Variants in PDE10A observed in about 807,000 individuals in gnomAD.
The protein encoded by PDE10A is phosphodiesterase 10A.
A neutral mutation model predicts 97.7 loss-of-function variants in PDE10A; 39 were observed. That is an observed-to-expected ratio of 0.40 (90% CI 0.31 to 0.52). PDE10A has a LOEUF of 0.52. Ranked by LOEUF, PDE10A falls within the 20% of genes least tolerant of loss-of-function variation. The pLI is 0.56. For missense variants in PDE10A, 731 were observed against 1,047.8 expected (o/e 0.70, Z 4.17); for synonymous variants, 371 against 376.8 (o/e 0.98, Z 0.18).
At chr6:165,545,448 A>G (rs1783692056) in intron 1 of PDE10A, among the ~76,000 whole-genome samples, 1 of 152,120 alleles carries the variant, frequency 6.6e-6, no homozygotes, top group Admixed American at 6.5e-5. Context: ...AAATATAGTA[A>G]TAACTGACTC....
intron 1 of PDE10A, among the ~76,000 whole-genome samples, chr6:165,777,165 G>T (rs924317185): frequency 1.1e-4 from 17 of 152,202 alleles, no homozygotes; most frequent in African/African-American, 4.1e-4. Flanking sequence ...GGCTGGCATT[G>T]ATAGGGGCGG....
At position 165,553,883 on chromosome 6, in the gene PDE10A, C is replaced by T. The variant is rs142373902; in HGVS notation, c.866-10315G>A. Reference sequence around the variant, plus strand: ...AGAACTATTAAGAGTAAGCTTAAACCCACCAAAATTTACCCTTTCTGTGAC... The same window carrying T: ...AGAACTATTAAGAGTAAGCTTAAACTCACCAAAATTTACCCTTTCTGTGAC... On this transcript the variant is annotated intron_variant, in intron 1 of 21. Coordinates refer to ENST00000539869, the MANE Select transcript of PDE10A (RefSeq NM_001385079.1). Among the ~76,000 whole-genome samples the T allele has an allele frequency of 3.8e-4, 58 of 152,148 alleles. 1 individual carries two copies. The East Asian group carries it at 0.011, about 29-fold the overall frequency.
intron 3 of PDE10A, among the ~76,000 whole-genome samples, chr6:165,477,432 A>G (rs1033178943): frequency 6.6e-6 from 1 of 152,148 alleles, no homozygotes; most frequent in Non-Finnish European, 1.5e-5. Flanking sequence ...TCTACCACAC[A>G]CTATGTAAAT....
In PDE10A at chr6:165,975,707, C is replaced by T. The variant is rs115025111; in HGVS notation, c.-615+11822G>A. On this transcript the variant is annotated intron_variant, in intron 1 of 19. Coordinates refer to the PDE10A transcript ENST00000366882. ...CTCACTATGACTAGCAAGGCTATGC[C>T]TGTTCCTGAGACACCATGTGTCCAG... is the stretch of plus-strand genomic sequence containing the variant. Among the ~76,000 whole-genome samples the T allele has an allele frequency of 7.2e-3, 1,101 of 152,312 alleles. 13 individuals are homozygous for T. Among genetic ancestry groups the T allele is most frequent in the African/African-American group, 0.025 (1,059 of 41,548 alleles).
chr6:165,622,305 CGTGT>C (rs144014578), intron 1 of PDE10A, among the ~76,000 whole-genome samples: 4,091 of 151,714 alleles, frequency 0.027, 200 homozygotes, highest in African/African-American at 0.094. Context: ...TATGTGCATG[CGTGT>C]GTGTCACTTA....
chr6:165,605,928 C>T (rs879440845), intron 1 of PDE10A, among the ~76,000 whole-genome samples: 6 of 152,198 alleles, frequency 3.9e-5, no homozygotes, highest in South Asian at 2.1e-4. Context: ...TGTCATCATA[C>T]GCACTGGCTT....
chr6:165,911,584 G>A (rs1027780908), intron 1 of PDE10A, among the ~76,000 whole-genome samples: 1 of 152,104 alleles, frequency 6.6e-6, no homozygotes, highest in African/African-American at 2.4e-5. Flanking sequence ...AAACAGAGAA[G>A]GATAAGCCAC....
At chr6:165,437,016 C>T (rs1298001976) in intron 5 of PDE10A, among the ~76,000 whole-genome samples, 2 of 152,010 alleles carry the variant, frequency 1.3e-5, no homozygotes, top group Non-Finnish European at 2.9e-5. Context: ...TATAAGGAAG[C>T]AACTGTCCCT....
At chr6:165,887,253 C>T (rs1781654519) in intron 1 of PDE10A, among the ~76,000 whole-genome samples, 1 of 152,182 alleles carries the variant, frequency 6.6e-6, no homozygotes, top group South Asian at 2.1e-4. Context: ...ACTAACACTA[C>T]CTGCCTTGAA....
chr6:165,450,444 T>C (rs1791207067), intron 3 of PDE10A, 82 bp from the exon 4 acceptor site: 1 of 616,086 alleles, frequency 1.6e-6, no homozygotes, highest in Non-Finnish European at 2.6e-6. Flanking sequence ...GACATACTAT[T>C]AATATATGTG....
intron 1 of PDE10A, among the ~76,000 whole-genome samples, chr6:165,676,146 A>G (rs922505881): frequency 6.6e-6 from 1 of 152,224 alleles, no homozygotes; most frequent in African/African-American, 2.4e-5. Context: ...CAAGCACTGC[A>G]TATTCTCACT....
At chr6:165,855,315 G>A (rs1034944168) in intron 1 of PDE10A, among the ~76,000 whole-genome samples, 3 of 151,074 alleles carry the variant, frequency 2.0e-5, no homozygotes, top group African/African-American at 7.3e-5. Context: ...CGGGGGGGGG[G>A]GGGGACTCAG....
chr6:165,518,586 C>T (rs144655750), intron 2 of PDE10A, among the ~76,000 whole-genome samples: 88 of 152,220 alleles, frequency 5.8e-4, no homozygotes, highest in Non-Finnish European at 9.7e-4. Flanking sequence ...ATGACAGTAA[C>T]GCACAACAGT....
At position 165,663,236 on chromosome 6, in the gene PDE10A, C is replaced by T. The variant is rs1378952826; in HGVS notation, c.-425G>A. Among the ~76,000 whole-genome samples, 6 of 151,448 alleles carry T rather than the reference C, an allele frequency of 4.0e-5. No homozygotes were observed. The highest frequency in any genetic ancestry group is 8.8e-5 in the Non-Finnish European group (6 of 67,886). ...GTGGTGGCGGCGGCGGCAGAAGACGCCCACTGGCGGAGCAGGCGCTCCCCA... is the reference window on the plus strand; with the variant it reads ...GTGGTGGCGGCGGCGGCAGAAGACGTCCACTGGCGGAGCAGGCGCTCCCCA... On this transcript the variant is annotated 5_prime_UTR_variant, in exon 1 of 22. Transcript: ENST00000539869.
chr6:165,557,914 T>C (rs1256532115), intron 1 of PDE10A, among the ~76,000 whole-genome samples: 1 of 152,196 alleles, frequency 6.6e-6, no homozygotes, highest in Non-Finnish European at 1.5e-5. Flanking sequence ...ACATGAAGTA[T>C]AGCTGACGTG....
At chr6:165,731,441 A>G (rs1033041120) in intron 1 of PDE10A, among the ~76,000 whole-genome samples, 2 of 152,080 alleles carry the variant, frequency 1.3e-5, no homozygotes, top group Non-Finnish European at 2.9e-5. Context: ...CTGCAGAGAG[A>G]GTTCCAGGCA....
At chr6:165,973,423 A>AAAT (rs1554233526) in intron 1 of PDE10A, among the ~76,000 whole-genome samples, 2,106 of 147,626 alleles carry the variant, frequency 0.014, 70 homozygotes, top group African/African-American at 0.051. Context: ...CAAAAAAAAA[A>AAAT]AAAATAAAAT....
intron 1 of PDE10A, among the ~76,000 whole-genome samples, chr6:165,693,528 C>CAAAAAAAA (rs55830575): frequency 5.3e-5 from 3 of 56,744 alleles, no homozygotes; most frequent in Non-Finnish European, 6.5e-5. Flanking sequence ...GAGGCTCCAC[C>CAAAAAAAA]AAAAAAAAAA....
intron 1 of PDE10A, among the ~76,000 whole-genome samples, chr6:165,911,248 T>G (rs1379365786): frequency 6.6e-6 from 1 of 152,224 alleles, no homozygotes; most frequent in African/African-American, 2.4e-5. Flanking sequence ...AAATAATGCT[T>G]TGTATTAATA....
Sources: gnomAD v4.1 joint callset for allele counts (sites outside exome capture counted in the v4.1 genomes callset) on GRCh38, gnomAD v4.1.1 for gene constraint, MANE v1.5 for transcripts, NCBI Gene and HGNC (gene_info 2026-07-23, HGNC 2026-07-21) for gene names.